Variants in PTPRM observed in about 807,000 individuals in gnomAD.
PTPRM encodes the protein receptor-type tyrosine-protein phosphatase mu.
In PTPRM, 47 loss-of-function variants were observed where a neutral mutation model predicts 186.7. The observed-to-expected ratio is 0.25, with a 90% confidence interval of 0.20 to 0.32. The LOEUF is 0.32. PTPRM is among the 10% of genes least tolerant of loss of function. The probability of loss-of-function intolerance (pLI) is 1.00; values close to 1 mark genes in which losing one functional copy is unlikely to be tolerated. For missense variants in PTPRM, 1,494 were observed against 1,865.0 expected, an observed-to-expected ratio of 0.80 and a Z score of 3.66; for synonymous variants, 668 against 674.9, an observed-to-expected ratio of 0.99 and a Z score of 0.16.
At chr18:7,811,853 A>G (rs1395757308) in intron 2 of PTPRM, among the ~76,000 whole-genome samples, 2 of 152,184 alleles carry the variant, frequency 1.3e-5, no homozygotes, top group African/African-American at 4.8e-5. Context: ...GAAAGGGTTA[A>G]TATAACCAGT....
chr18:7,641,316 A>T (rs2038437287), intron 1 of PTPRM, among the ~76,000 whole-genome samples: 1 of 152,208 alleles, frequency 6.6e-6, no homozygotes. Flanking sequence ...GATTTTTCCT[A>T]ATTATCCTTA....
intron 19 of PTPRM, among the ~76,000 whole-genome samples, chr18:8,259,678 C>T (rs1337944215): frequency 6.6e-6 from 1 of 151,924 alleles, no homozygotes; most frequent in African/African-American, 2.4e-5. Flanking sequence ...TAGTCTCACT[C>T]TGTGGCCCAC....
At chr18:8,044,769 A>AAG (rs1555704971) in intron 7 of PTPRM, among the ~76,000 whole-genome samples, 2 of 151,452 alleles carry the variant, frequency 1.3e-5, no homozygotes, top group Admixed American at 1.3e-4. Context: ...AAAAAAAAAA[A>AAG]AAAAGAAAAA....
intron 5 of PTPRM, among the ~76,000 whole-genome samples, chr18:7,942,411 A>G (rs916180565): frequency 6.6e-6 from 1 of 152,154 alleles, no homozygotes; most frequent in Non-Finnish European, 1.5e-5. Context: ...TTGAGGGACA[A>G]CAGGGCAGGA....
intron 2 of PTPRM, among the ~76,000 whole-genome samples, chr18:7,798,806 T>A (rs562198373): frequency 1.9e-4 from 29 of 152,300 alleles, no homozygotes; most frequent in African/African-American, 7.0e-4. Flanking sequence ...CACCGTAATT[T>A]AAAAGACGAT....
chr18:8,281,142 C>T (rs2094899069), intron 19 of PTPRM, among the ~76,000 whole-genome samples: 1 of 152,170 alleles, frequency 6.6e-6, no homozygotes, highest in South Asian at 2.1e-4. Flanking sequence ...GCAACTGGAA[C>T]GCAGCGGGCG....
intron 14 of PTPRM, among the ~76,000 whole-genome samples, chr18:8,219,195 C>T (rs1191090271): frequency 6.6e-6 from 1 of 152,188 alleles, no homozygotes; most frequent in Non-Finnish European, 1.5e-5. Context: ...TGGCCAAGCC[C>T]GGTGGCTTAC....
At chr18:8,147,692 G>A (rs911056449) in intron 14 of PTPRM, among the ~76,000 whole-genome samples, 6 of 152,170 alleles carry the variant, frequency 3.9e-5, no homozygotes, top group African/African-American at 1.4e-4. Context: ...TTAAATAGGA[G>A]TGAGTGAGAG....
chr18:8,240,768 GA>G (rs2094419493), intron 14 of PTPRM, among the ~76,000 whole-genome samples: 1 of 65,158 alleles, frequency 1.5e-5, no homozygotes, highest in African/African-American at 8.8e-5. Flanking sequence ...GAGGGAGGGA[GA>G]GAGAGAGGGA....
chr18:8,250,590 C>T lies in PTPRM; in HGVS notation c.2555-1898C>T, dbSNP rs559350259. Among the ~76,000 whole-genome samples the T allele has an allele frequency of 3.2e-4, 49 of 151,782 alleles. No individual in the cohort carries two copies. In the South Asian group the frequency reaches 5.4e-3, roughly 17 times the overall value. Reference sequence around the variant, plus strand: ...AGGCCAGGAGTTCAAGACCAGCCTCCGCAACATAAGGAGACCCCCATCTCT... The same window carrying T: ...AGGCCAGGAGTTCAAGACCAGCCTCTGCAACATAAGGAGACCCCCATCTCT... On this transcript the variant is annotated intron_variant, in intron 17 of 32. Transcript: ENST00000580170.
intron 5 of PTPRM, among the ~76,000 whole-genome samples, chr18:7,940,789 T>C (rs2052121969): frequency 6.6e-6 from 1 of 152,098 alleles, no homozygotes; most frequent in Non-Finnish European, 1.5e-5. Context: ...GTAATTCATT[T>C]GGTGACCAAA....
chr18:8,292,355 C>T (rs939500419), intron 19 of PTPRM, among the ~76,000 whole-genome samples: 2 of 152,158 alleles, frequency 1.3e-5, no homozygotes, highest in African/African-American at 2.4e-5. Context: ...GCCAAGGCAA[C>T]CAATCTAGAA....
intron 14 of PTPRM, among the ~76,000 whole-genome samples, chr18:8,193,589 G>A (rs550510966): frequency 3.1e-4 from 47 of 152,316 alleles, no homozygotes; most frequent in East Asian, 1.9e-3. Flanking sequence ...GGGGCCTCTC[G>A]CGCAGACTCA....
chr18:8,274,063 A>G (rs1017598972), intron 19 of PTPRM, among the ~76,000 whole-genome samples: 2 of 152,182 alleles, frequency 1.3e-5, no homozygotes, highest in African/African-American at 2.4e-5. Flanking sequence ...ACTTCTCCCA[A>G]TAGATGGAGC....
intron 1 of PTPRM, among the ~76,000 whole-genome samples, chr18:7,736,672 A>G (rs2144457516): frequency 6.6e-6 from 1 of 152,348 alleles, no homozygotes; most frequent in East Asian, 1.9e-4. Flanking sequence ...CAGGGGCTGC[A>G]TGCTCTGGTG....
At chr18:7,853,580 G>A (rs140372035) in intron 2 of PTPRM, among the ~76,000 whole-genome samples, 8 of 152,176 alleles carry the variant, frequency 5.3e-5, no homozygotes, top group African/African-American at 1.9e-4. Flanking sequence ...AAAAATGTGA[G>A]CATCAGGAAA....
At chr18:7,956,599 G>A (rs2053328075) in intron 7 of PTPRM, among the ~76,000 whole-genome samples, 1 of 152,072 alleles carries the variant, frequency 6.6e-6, no homozygotes, top group African/African-American at 2.4e-5. Flanking sequence ...CTGTATCCTC[G>A]TGGCACCTTT....
chr18:7,825,189 C>T (rs1389318563), intron 2 of PTPRM, among the ~76,000 whole-genome samples: 3 of 151,996 alleles, frequency 2.0e-5, no homozygotes, highest in Non-Finnish European at 2.9e-5. Context: ...TGCAATTGTC[C>T]GAAAGAGGAA....
intron 1 of PTPRM, among the ~76,000 whole-genome samples, chr18:7,752,352 CT>C (rs529547154): frequency 3.3e-5 from 5 of 152,072 alleles, no homozygotes; most frequent in African/African-American, 1.2e-4. Flanking sequence ...CGAATATATT[CT>C]TTTTTTAAAA....
Sources: gnomAD v4.1 joint callset for allele counts (sites outside exome capture counted in the v4.1 genomes callset) on GRCh38, gnomAD v4.1.1 for gene constraint, MANE v1.5 for transcripts, NCBI Gene and HGNC (gene_info 2026-07-23, HGNC 2026-07-21) for gene names.